CALN1: variants seen among roughly 807,000 people sequenced by gnomAD.
CALN1 encodes the protein calneuron 1.
CALN1 carries 17 observed loss-of-function variants against 30.6 expected under a neutral mutation model. The observed-to-expected ratio is 0.56, with a 90% CI of 0.38 to 0.83. The LOEUF is 0.83. Ranked by LOEUF, CALN1 falls within the 40% of genes least tolerant of loss-of-function variation. The pLI is 0.00. For missense variants in CALN1, 291 were observed against 354.9 expected (o/e 0.82, Z 1.45); for synonymous variants, 156 against 131.4 (o/e 1.19, Z -1.28).
At chr7:72,171,931 G>T (rs1789001087) in intron 3 of CALN1, among the ~76,000 whole-genome samples, 1 of 152,182 alleles carries the variant, frequency 6.6e-6, no homozygotes, top group East Asian at 1.9e-4. Context: ...AAGAAACTGG[G>T]GTCCAGAAAG....
At chr7:71,980,217 C>T in intron 5 of CALN1, among the ~76,000 whole-genome samples, 1 of 143,882 alleles carries the variant, frequency 7.0e-6, no homozygotes, top group Non-Finnish European at 1.5e-5. Context: ...GACAGAGTCT[C>T]ACTCTCTTGC....
At chr7:72,390,802 G>A (rs528153408) in intron 2 of CALN1, among the ~76,000 whole-genome samples, 59 of 152,246 alleles carry the variant, frequency 3.9e-4, no homozygotes, top group African/African-American at 1.4e-3. Flanking sequence ...AAGCACATGT[G>A]TTATTATATC....
chr7:72,017,111 C>G (rs1217533662), intron 5 of CALN1, among the ~76,000 whole-genome samples: 1 of 147,524 alleles, frequency 6.8e-6, no homozygotes, highest in African/African-American at 2.5e-5. Flanking sequence ...CTGCAGTGAG[C>G]CGAGATGATG....
At chr7:72,083,715 T>C (rs537342697) in intron 4 of CALN1, among the ~76,000 whole-genome samples, 1 of 152,162 alleles carries the variant, frequency 6.6e-6, no homozygotes, top group South Asian at 2.1e-4. Context: ...GGTTAAGAGA[T>C]CGAGACCATC....
intron 3 of CALN1, among the ~76,000 whole-genome samples, chr7:72,127,936 G>T (rs1034662424): frequency 2.6e-5 from 4 of 152,148 alleles, no homozygotes; most frequent in Non-Finnish European, 5.9e-5. Flanking sequence ...TAAATGAAAT[G>T]ATATGACATA....
At position 71,872,612 on chromosome 7, in the gene CALN1, CTT is replaced by C. The variant is rs34514644; in HGVS notation, c.502-62122_502-62121del. On this transcript the variant is annotated intron_variant, in intron 5 of 6. Transcript: ENST00000395275. ...TTATATGCTTTATTTACTTTTCTTT[CTT>C]TTTTTCTTTTTTTTTTTGAGATACA... 4.5e-3 allele frequency among the ~76,000 whole-genome samples: 674 copies of C among 150,324 alleles called. 5 individuals carry two copies. Among genetic ancestry groups the C allele is most frequent in the African/African-American group, 0.015 (631 of 40,902 alleles).
In CALN1 at chr7:71,849,933, C is replaced by CGTACTAGCAACTT. The variant is rs1282676548; in HGVS notation, c.502-39454_502-39442dup. ...GAGAATTGAGCCATCGCACTCAACCCGTACTAGCAACTTTTAAAGGTGATA... is the reference window on the plus strand; with the variant it reads ...GAGAATTGAGCCATCGCACTCAACCCGTACTAGCAACTTGTACTAGCAACTTTTAAAGGTGATA... On this transcript the variant is annotated intron_variant, in intron 5 of 6. Transcript: ENST00000395275. Among the ~76,000 whole-genome samples the CGTACTAGCAACTT allele has an allele frequency of 2.6e-5, 4 of 152,214 alleles. No individual in the cohort carries two copies. The East Asian group carries it at 5.8e-4, about 22-fold the overall frequency.
At chr7:72,389,701 C>T (rs2129561320) in intron 2 of CALN1, among the ~76,000 whole-genome samples, 1 of 152,200 alleles carries the variant, frequency 6.6e-6, no homozygotes, top group Non-Finnish European at 1.5e-5. Context: ...AAGTGGATCA[C>T]CTGAGGTCAG....
At chr7:71,995,199 G>A (rs1276245849) in intron 5 of CALN1, among the ~76,000 whole-genome samples, 1 of 152,110 alleles carries the variant, frequency 6.6e-6, no homozygotes, top group African/African-American at 2.4e-5. Flanking sequence ...ACCTGCCCAG[G>A]GCCATGTTGC....
chr7:72,247,249 TTTTTTTTTTTTTTTTTTG>T (rs1795249187), intron 3 of CALN1, among the ~76,000 whole-genome samples: 1 of 118,338 alleles, frequency 8.5e-6, no homozygotes, highest in Admixed American at 8.5e-5. Flanking sequence ...TTTTTTTTTT[TTTTTTTTTTTTTTTTTTG>T]AGATGGAGTC....
At chr7:71,920,631 G>A (rs1199339949) in intron 5 of CALN1, among the ~76,000 whole-genome samples, 1 of 152,016 alleles carries the variant, frequency 6.6e-6, no homozygotes, top group Non-Finnish European at 1.5e-5. Flanking sequence ...CACAGCACCC[G>A]GCCGACAAAT....
chr7:72,003,380 G>A (rs1182384081), intron 5 of CALN1, among the ~76,000 whole-genome samples: 1 of 152,156 alleles, frequency 6.6e-6, no homozygotes, highest in East Asian at 1.9e-4. Flanking sequence ...GAAAACAGGT[G>A]TCCCCAACTC....
At chr7:71,792,003 C>T (rs902527130) in intron 6 of CALN1, among the ~76,000 whole-genome samples, 6 of 149,542 alleles carry the variant, frequency 4.0e-5, no homozygotes, top group East Asian at 2.0e-4. Context: ...AGCGAGACTC[C>T]GTCTCAAAAA....
rs188111289 is a variant in CALN1, at chr7:72,257,706, G to A, written c.244+20980C>T. 2.5e-3 allele frequency among the ~76,000 whole-genome samples: 377 copies of A among 152,268 alleles called. 3 individuals carry two copies. Among genetic ancestry groups the A allele is most frequent in the African/African-American group, 8.5e-3 (354 of 41,570 alleles). On this transcript the variant is annotated intron_variant, in intron 3 of 6. Coordinates refer to ENST00000395275, the MANE Select transcript of CALN1 (RefSeq NM_031468.4). ...TTCGCAACTGCAAAAATGTGGAACC[G>A]ACCTCAATGCCCATCAACCAACGAG...
chr7:72,467,907 C>A, the CALN1 span, among the ~76,000 whole-genome samples: 28 of 152,270 alleles, frequency 1.8e-4, no homozygotes, highest in East Asian at 4.1e-3. Context: ...CCAACAACCA[C>A]CAATTTGTAT....
intron 5 of CALN1, among the ~76,000 whole-genome samples, chr7:71,933,607 A>G (rs971741864): frequency 1.3e-5 from 2 of 152,130 alleles, no homozygotes; most frequent in Admixed American, 1.3e-4. Flanking sequence ...ATCAAGTCAC[A>G]ATTTTGTGTG....
At chr7:72,322,836 G>T (rs1233884363) in intron 2 of CALN1, among the ~76,000 whole-genome samples, 1 of 151,664 alleles carries the variant, frequency 6.6e-6, no homozygotes, top group African/African-American at 2.4e-5. Context: ...AGGGATAAAC[G>T]TTTGAGGGGA....
chr7:71,899,155 T>G (rs1006299723), intron 5 of CALN1, among the ~76,000 whole-genome samples: 1 of 151,262 alleles, frequency 6.6e-6, no homozygotes, highest in Non-Finnish European at 1.5e-5. Flanking sequence ...CTTTTTTTTT[T>G]TTTTTTTGAG....
rs1805345478 is a variant in CALN1, at chr7:72,084,384, A to C, written c.388+21767T>G. Reference sequence around the variant, plus strand: ...AAATCTTCCAGCAGAAAATGTAGTAAAATTTTTTTTTTTTTTTTCTGGCAT... The same window carrying C: ...AAATCTTCCAGCAGAAAATGTAGTACAATTTTTTTTTTTTTTTTCTGGCAT... On this transcript the variant is annotated intron_variant, in intron 4 of 6. Transcript: ENST00000395275. Among the ~76,000 whole-genome samples the C allele has an allele frequency of 3.3e-5, 4 of 120,108 alleles. No individual in the cohort carries two copies. The Admixed American group carries it at 3.7e-4, about 11-fold the overall frequency. The allele number at this position is 120,108 out of a possible 152,430, so 78.8% of individuals were successfully genotyped here. A position where few individuals can be genotyped will look rare whatever the true frequency, so the allele number is the denominator to read the frequency against.
Sources: allele counts gnomAD v4.1 joint callset (sites outside exome capture counted in the v4.1 genomes callset), GRCh38; gene constraint gnomAD v4.1.1; transcripts MANE v1.5; gene names NCBI Gene and HGNC (gene_info 2026-07-23, HGNC 2026-07-21).